The following TDRD12 variants were observed in gnomAD, a reference collection of about 807,000 sequenced individuals.
The protein encoded by TDRD12 is putative ATP-dependent RNA helicase TDRD12.
Under a neutral mutation model 133.5 loss-of-function variants are expected in TDRD12, and 158 were observed. That is an observed-to-expected ratio of 1.18 (90% confidence interval 1.04 to 1.35). The LOEUF is 1.35. Ranked by LOEUF, TDRD12 falls within the 40% of genes most tolerant of loss-of-function variation. The pLI is 0.00. For missense variants in TDRD12, 1,443 were observed against 1,321.3 expected, an observed-to-expected ratio of 1.09 and a Z score of -1.43; for synonymous variants, 460 against 477.9, an observed-to-expected ratio of 0.96 and a Z score of 0.49.
At chr19:32,721,144 G>A (rs1012183842) in intron 1 of TDRD12, among the ~76,000 whole-genome samples, 2 of 152,094 alleles carry the variant, frequency 1.3e-5, no homozygotes, top group Non-Finnish European at 2.9e-5. Context: ...CTGCGTGGGC[G>A]TTGTTCTAGT....
chr19:32,768,073 A>T, intron 8 of TDRD12, among the ~76,000 whole-genome samples: 1 of 152,344 alleles, frequency 6.6e-6, no homozygotes, highest in Non-Finnish European at 1.5e-5. Flanking sequence ...TACATATTGT[A>T]TACAGCTGCT....
At chr19:32,775,217 C>A (rs560998706) in intron 10 of TDRD12, among the ~76,000 whole-genome samples, 1 of 152,172 alleles carries the variant, frequency 6.6e-6, no homozygotes, top group Admixed American at 6.5e-5. Context: ...TTTTTTCAGC[C>A]TTTCAATCTT....
intron 14 of TDRD12, among the ~76,000 whole-genome samples, chr19:32,796,561 G>A (rs1971234073): frequency 6.6e-6 from 1 of 151,618 alleles, no homozygotes; most frequent in Non-Finnish European, 1.5e-5. Context: ...CTCCAGCCTG[G>A]GCAAGAAGAG....
chr19:32,793,776 A>G (rs913105536), intron 13 of TDRD12, among the ~76,000 whole-genome samples: 1 of 151,018 alleles, frequency 6.6e-6, no homozygotes, highest in Admixed American at 6.6e-5. Context: ...TTTAATTTAG[A>G]AAATTAAAGC....
intron 18 of TDRD12, among the ~76,000 whole-genome samples, chr19:32,801,255 G>GA (rs1971380863): frequency 6.7e-6 from 1 of 150,320 alleles, no homozygotes; most frequent in Non-Finnish European, 1.5e-5. Flanking sequence ...AACAGTAAAA[G>GA]ATATCATATA....
chr19:32,739,019 G>A (rs748926765), intron 3 of TDRD12, 27 bp downstream of exon 3: 37 of 1,548,460 alleles, frequency 2.4e-5, no homozygotes, highest in South Asian at 4.8e-5. Context: ...CTCACCTTAC[G>A]CTCTTTTCAG....
intron 8 of TDRD12, among the ~76,000 whole-genome samples, chr19:32,772,519 A>G (rs562381036): frequency 6.6e-6 from 1 of 152,366 alleles, no homozygotes; most frequent in East Asian, 1.9e-4. Flanking sequence ...GTGTTCCGTT[A>G]TTAGCTGGTA....
chr19:32,756,057 A>C, exon 7 of TDRD12: 1 of 1,483,240 alleles, frequency 6.7e-7, no homozygotes, highest in Non-Finnish European at 8.9e-7. Flanking sequence ...CAAAGAATAA[A>C]AACCTTGATT....
intron 25 of TDRD12, 118 bp downstream of exon 25, chr19:32,813,894 A>C: frequency 1.5e-6 from 1 of 649,918 alleles, no homozygotes. Context: ...TTATTTGGGG[A>C]TTTGTTAGGG....
intron 4 of TDRD12, among the ~76,000 whole-genome samples, chr19:32,746,898 G>C (rs1398857572): frequency 6.6e-6 from 1 of 151,366 alleles, no homozygotes; most frequent in Non-Finnish European, 1.5e-5. Context: ...GTGAGAGAGA[G>C]AGAGAGAGAG....
At chr19:32,785,692 T>A (rs1248293050) in intron 11 of TDRD12, among the ~76,000 whole-genome samples, 1 of 152,192 alleles carries the variant, frequency 6.6e-6, no homozygotes, top group Non-Finnish European at 1.5e-5. Flanking sequence ...TGGCCTTCTT[T>A]ATGTCTTTTG....
At chr19:32,816,709 G>A (rs1025013158) in intron 26 of TDRD12, among the ~76,000 whole-genome samples, 5 of 152,172 alleles carry the variant, frequency 3.3e-5, no homozygotes, top group African/African-American at 4.8e-5. Context: ...CTGCGCCAGC[G>A]TCTCCTCCCA....
At chr19:32,733,206 C>T (rs188532922) in intron 2 of TDRD12, among the ~76,000 whole-genome samples, 330 of 151,720 alleles carry the variant, frequency 2.2e-3, no homozygotes, top group Non-Finnish European at 3.9e-3. Context: ...TGGTGGCCCA[C>T]GCCTGTAATC....
At chr19:32,720,122 G>A (rs1361326165) in intron 1 of TDRD12, 26 bp downstream of exon 1, 1 of 1,545,912 alleles carries the variant, frequency 6.5e-7, no homozygotes. Context: ...CCAGACCCAC[G>A]CCAGACCCAC....
At chr19:32,825,329 C>T (rs567039562), downstream of TDRD12, among the ~76,000 whole-genome samples, 52 of 152,300 alleles carry the variant, frequency 3.4e-4, no homozygotes, top group Non-Finnish European at 6.2e-4. This position sits in a 1 kb window ranked among gnomAD's most constrained non-coding sequence, Gnocchi z 4.1. Flanking sequence ...ATTCTTACTC[C>T]GGTGTTTGGA....
chr19:32,813,544 G>A (rs1427953286), intron 24 of TDRD12, 140 bp from the exon 25 acceptor site: 1 of 580,756 alleles, frequency 1.7e-6, no homozygotes, highest in South Asian at 2.1e-5. Flanking sequence ...GACGAGAGGG[G>A]GTGATGACCT....
chr19:32,768,429 G>A (rs1452840955), intron 8 of TDRD12, among the ~76,000 whole-genome samples: 1 of 143,630 alleles, frequency 7.0e-6, no homozygotes, highest in Non-Finnish European at 1.5e-5. Flanking sequence ...TTGCACTGTT[G>A]CCCAAGCTGG....
At chr19:32,745,125 G>T (rs1969562806) in intron 4 of TDRD12, among the ~76,000 whole-genome samples, 1 of 152,224 alleles carries the variant, frequency 6.6e-6, no homozygotes, top group African/African-American at 2.4e-5. Context: ...GCACACAGCA[G>T]CCCCTGCCCC....
At position 32,771,091 on chromosome 19, in the gene TDRD12, A is replaced by G. The variant is rs970498498; in HGVS notation, c.866-1662A>G. Among the ~76,000 whole-genome samples, 8 of 152,200 alleles carry G rather than the reference A, an allele frequency of 5.3e-5. 2 individuals are homozygous for G. The South Asian group carries it at 1.0e-3, about 20-fold the overall frequency. On this transcript the variant is annotated intron_variant, in intron 8 of 27. Coordinates refer to ENST00000444215, the Ensembl canonical transcript of TDRD12. Reference sequence around the variant, plus strand: ...ATGGTGAGGCCTCAGGAAGCTTCCAATCATGGCAGAAGGGGAACAGGAGCT... The same window carrying G: ...ATGGTGAGGCCTCAGGAAGCTTCCAGTCATGGCAGAAGGGGAACAGGAGCT...
Sources: allele counts gnomAD v4.1 joint callset (sites outside exome capture counted in the v4.1 genomes callset), GRCh38; gene constraint gnomAD v4.1.1; non-coding constraint Gnocchi (gnomAD v3.1); transcripts MANE v1.5; gene names NCBI Gene and HGNC (gene_info 2026-07-23, HGNC 2026-07-21).